SNAPC3: variants seen among roughly 807,000 people sequenced by gnomAD.
SNAPC3 encodes the protein small nuclear RNA activating complex polypeptide 3, also known as snRNA-activating protein complex subunit 3.
In SNAPC3, 56 loss-of-function variants were observed where a neutral mutation model predicts 47.7. The ratio of observed to expected loss-of-function variants is 1.18; its 90% CI spans 0.95 to 1.47. The LOEUF is 1.47. Ranked by LOEUF, SNAPC3 falls within the 40% of genes most tolerant of loss-of-function variation. The pLI is 0.00. For synonymous variants in SNAPC3, 235 were observed against 189.9 expected (o/e 1.24, Z -1.95); for missense variants, 665 against 511.3 (o/e 1.30, Z -2.90).
intron 8 of SNAPC3, among the ~76,000 whole-genome samples, chr9:15,458,968 A>T (rs1451346830): frequency 6.6e-6 from 1 of 152,188 alleles, no homozygotes; most frequent in Non-Finnish European, 1.5e-5. Context: ...ATCTGAAAAA[A>T]ATCTGCAATT....
At chr9:15,457,053 A>G (rs1189427041) in intron 7 of SNAPC3, among the ~76,000 whole-genome samples, 1 of 152,220 alleles carries the variant, frequency 6.6e-6, no homozygotes, top group East Asian at 1.9e-4. Flanking sequence ...ACCCAAAGCC[A>G]TGGAGCTGAT....
At chr9:15,443,432 C>T (rs907076) in intron 3 of SNAPC3, among the ~76,000 whole-genome samples, 107,010 of 151,902 alleles carry the variant, frequency 0.7, 39,836 homozygotes, top group Admixed American at 0.82. Context: ...GGTATATTTT[C>T]TCTTGTGCAT....
intron 2 of SNAPC3, among the ~76,000 whole-genome samples, chr9:15,429,117 T>G (rs1240105643): frequency 6.6e-6 from 1 of 152,102 alleles, no homozygotes; most frequent in Non-Finnish European, 1.5e-5. Flanking sequence ...AAAGAACATA[T>G]AACTTACAAA....
chr9:15,433,454 AGTT>A (rs2032416644), intron 2 of SNAPC3, 95 bp from the exon 3 acceptor site: 2 of 774,584 alleles, frequency 2.6e-6, no homozygotes, highest in African/African-American at 3.5e-5. Context: ...ACTTAAAATT[AGTT>A]CAAAATAAAA....
At chr9:15,440,549 A>G (rs553514209) in intron 3 of SNAPC3, among the ~76,000 whole-genome samples, 1 of 152,346 alleles carries the variant, frequency 6.6e-6, no homozygotes, top group South Asian at 2.1e-4. Flanking sequence ...TTAAAAGCTG[A>G]ACACAGTGGT....
chr9:15,437,941 A>G (rs1462103389), intron 3 of SNAPC3, among the ~76,000 whole-genome samples: 1 of 152,178 alleles, frequency 6.6e-6, no homozygotes, highest in Non-Finnish European at 1.5e-5. Flanking sequence ...ATTGGCCTGT[A>G]GTTTTCCTGT....
chr9:15,456,607 A>G (rs1461173331), intron 7 of SNAPC3, among the ~76,000 whole-genome samples: 2 of 152,002 alleles, frequency 1.3e-5, no homozygotes, highest in African/African-American at 4.8e-5. Context: ...AGCTGAGATT[A>G]TAGGCATATG....
At chr9:15,427,006 T>G (rs1181342901) in intron 2 of SNAPC3, among the ~76,000 whole-genome samples, 1 of 152,006 alleles carries the variant, frequency 6.6e-6, no homozygotes, top group African/African-American at 2.4e-5. Context: ...TCCTCACCAA[T>G]AATTTCACAT....
chr9:15,435,844 C>CTTTTTTT lies in SNAPC3; in HGVS notation c.477+2218_477+2224dup, dbSNP rs57744583. Among the ~76,000 whole-genome samples, 160 of 123,758 alleles carry CTTTTTTT rather than the reference C, an allele frequency of 1.3e-3. 1 individual carries two copies. The highest frequency in any genetic ancestry group is 1.9e-3 in the Non-Finnish European group (120 of 62,206). 81.2% of individuals were successfully genotyped at this position (123,758 alleles called of 152,430 possible). On this transcript the variant is annotated intron_variant, in intron 3 of 8. Transcript: ENST00000380821. ...GTTGTCTTTTTACTTACTTTTCTTT[C>CTTTTTTT]TTTTTTTTTTTTTTTTGAGACAGAG...
chr9:15,452,118 A>G (rs890751559), intron 6 of SNAPC3, among the ~76,000 whole-genome samples: 3 of 152,028 alleles, frequency 2.0e-5, no homozygotes, highest in Non-Finnish European at 4.4e-5. Context: ...GTGTGCCATC[A>G]TGCCCAGCTA....
At chr9:15,445,072 A>G (rs956817528) in intron 4 of SNAPC3, among the ~76,000 whole-genome samples, 32 of 152,194 alleles carry the variant, frequency 2.1e-4, no homozygotes, top group African/African-American at 7.7e-4. Context: ...CCAGCCTAGG[A>G]GACAGCGTGA....
chr9:15,425,845 G>C (rs2031308654), intron 2 of SNAPC3, among the ~76,000 whole-genome samples: 1 of 152,154 alleles, frequency 6.6e-6, no homozygotes, highest in African/African-American at 2.4e-5. Flanking sequence ...CCTCTAAGGA[G>C]TGGACCTTGC....
chr9:15,453,835 T>C (rs1563853404), intron 7 of SNAPC3, among the ~76,000 whole-genome samples: 2 of 152,234 alleles, frequency 1.3e-5, no homozygotes, highest in Non-Finnish European at 1.5e-5. Flanking sequence ...TGATTCCTTA[T>C]GAGAGACCAT....
At chr9:15,464,681 C>A (rs1278297308), downstream of SNAPC3, 3 of 197,478 alleles carry the variant, frequency 1.5e-5, no homozygotes, top group African/African-American at 6.9e-5. Flanking sequence ...ACATTTTTAA[C>A]AACATTCCTC....
intron 5 of SNAPC3, among the ~76,000 whole-genome samples, chr9:15,450,580 G>A (rs1196651140): frequency 1.3e-5 from 2 of 152,154 alleles, no homozygotes; most frequent in African/African-American, 4.8e-5. Context: ...AAAGAACTCA[G>A]GTCTTCTGAC....
chr9:15,437,409 T>G (rs1321277458), intron 3 of SNAPC3, among the ~76,000 whole-genome samples: 1 of 152,044 alleles, frequency 6.6e-6, no homozygotes, highest in Non-Finnish European at 1.5e-5. Flanking sequence ...CTTTTTGTAT[T>G]TTTAGTAGAC....
chr9:15,465,494 G>A (rs370444650), downstream of SNAPC3: 48 of 1,497,298 alleles, frequency 3.2e-5, no homozygotes, highest in Non-Finnish European at 2.7e-6. Flanking sequence ...CTTCTCAAGT[G>A]TTCTCTATAT....
chr9:15,427,012 C>T (rs987039410), intron 2 of SNAPC3, among the ~76,000 whole-genome samples: 9 of 151,806 alleles, frequency 5.9e-5, no homozygotes, highest in Non-Finnish European at 1.3e-4. Context: ...CCAATAATTT[C>T]ACATTATTAT....
rs2030967981 is a variant in SNAPC3 at position 15,423,954 on chromosome 9, C to T, written c.360C>T (p.Val120=). 1 of 1,588,864 alleles carries T rather than the reference C, an allele frequency of 6.3e-7. No homozygotes were observed. Among genetic ancestry groups the T allele is most frequent in the East Asian group, 2.3e-5 (1 of 43,152 alleles). Residue 120 remains valine (V), a synonymous_variant, in exon 2 of 9, where the codon GTC becomes GTT. Coordinates refer to ENST00000380821, the MANE Select transcript of SNAPC3 (RefSeq NM_001039697.2). ...KCLEDGEDPE[V]IPENTDLVTL... ...TTGAGGACGGTGAGGATCCAGAAGTCATTCCGGAGAATACTGACCTGGTGA... is the reference window on the plus strand; with the variant it reads ...TTGAGGACGGTGAGGATCCAGAAGTTATTCCGGAGAATACTGACCTGGTGA...
Sources: gnomAD v4.1 joint callset for allele counts (sites outside exome capture counted in the v4.1 genomes callset) on GRCh38, gnomAD v4.1.1 for gene constraint, MANE v1.5 for transcripts, NCBI Gene and HGNC (gene_info 2026-07-23, HGNC 2026-07-21) for gene names.